Variants in C1GALT1C1 observed in about 807,000 individuals in gnomAD.
C1GALT1C1 encodes C1GALT1 specific chaperone 1, also known as C1GALT1-specific chaperone 1.
For missense variants in C1GALT1C1, 176 were observed against 234.7 expected (o/e 0.75, Z 1.63); for synonymous variants, 77 against 77.9 (o/e 0.99, Z 0.06).
At chrX:120,629,064 T>C (rs1054060096) in intron 1 of C1GALT1C1, among the ~76,000 whole-genome samples, 1 of 110,354 alleles carries the variant, frequency 9.1e-6, no homozygotes, top group Non-Finnish European at 1.9e-5. Flanking sequence ...CTGTCTCGAC[T>C]AAAAATACAA....
Position 120,626,046 on chromosome X carries a change from C to A in C1GALT1C1, c.*164G>T. The A allele has an allele frequency of 2.5e-6, 1 of 395,868 alleles. No homozygotes were observed. Among genetic ancestry groups the A allele is most frequent in the Non-Finnish European group, 4.3e-6 (1 of 234,674 alleles). The allele number at this position is 395,868 out of a possible 1,213,427, so 32.6% of individuals were successfully genotyped here. A position where few individuals can be genotyped will look rare whatever the true frequency, so the allele number is the denominator to read the frequency against. ...ATGTGTTTTAAAGAAAAAAACCACCCTCATTTAAAAATGTACTACTGACTT... is the reference window on the plus strand; with the variant it reads ...ATGTGTTTTAAAGAAAAAAACCACCATCATTTAAAAATGTACTACTGACTT... On this transcript the variant is annotated 3_prime_UTR_variant, in exon 2 of 2. Coordinates refer to ENST00000304661, the MANE Select transcript of C1GALT1C1 (RefSeq NM_001011551.3).
chrX:120,627,847 A>G (rs746295799), intron 1 of C1GALT1C1, among the ~76,000 whole-genome samples: 4 of 112,559 alleles, frequency 3.6e-5, no homozygotes, highest in African/African-American at 1.3e-4. Flanking sequence ...ATTGATAGAT[A>G]TATCTGGGGC....
intron 1 of C1GALT1C1, among the ~76,000 whole-genome samples, chrX:120,629,705 A>C (rs1927293763): frequency 8.9e-6 from 1 of 111,869 alleles, no homozygotes; most frequent in South Asian, 3.7e-4. Flanking sequence ...AGTGAGAGGG[A>C]GGACATGGTA....
chrX:120,626,139 G>A lies in C1GALT1C1; in HGVS notation c.*71C>T. On this transcript the variant is annotated 3_prime_UTR_variant, in exon 2 of 2. Coordinates refer to ENST00000304661, the MANE Select transcript of C1GALT1C1 (RefSeq NM_001011551.3). ...AGAAACATACAGCTGTATTGGATAT[G>A]TAGTTACTACTACAAATAATGACAA... 1.1e-6 allele frequency: 1 copy of A among 946,384 alleles called. No homozygotes were observed. The highest frequency in any genetic ancestry group is 1.5e-6 in the Non-Finnish European group (1 of 679,269). The allele number at this position is 946,384 out of a possible 1,213,427, so 78.0% of individuals were successfully genotyped here. A position where few individuals can be genotyped will look rare whatever the true frequency, so the allele number is the denominator to read the frequency against.
intron 1 of C1GALT1C1, among the ~76,000 whole-genome samples, chrX:120,629,589 CG>C (rs1927288059): frequency 8.9e-6 from 1 of 111,989 alleles, no homozygotes. Flanking sequence ...AAACTGCACA[CG>C]AGCACAAATG....
At chrX:120,629,707 G>A in intron 1 of C1GALT1C1, among the ~76,000 whole-genome samples, 1 of 111,806 alleles carries the variant, frequency 8.9e-6, no homozygotes, top group South Asian at 3.7e-4. Flanking sequence ...TGAGAGGGAG[G>A]ACATGGTAAC....
At position 120,626,671 on chromosome X, in the gene C1GALT1C1, G is replaced by T. The variant is rs1225595183; in HGVS notation, c.496C>A (p.Pro166Thr). Residue 166 changes from proline to threonine, a missense_variant, in exon 2 of 2, where the codon CCT becomes ACT. Coordinates refer to ENST00000304661, the MANE Select transcript of C1GALT1C1 (RefSeq NM_001011551.3). Reference protein sequence around the residue: ...YFLLKKDPSQPFYLGHTIKSG... With the variant: ...YFLLKKDPSQTFYLGHTIKSG... ...TTTATAGTGTGGCCTAGATAGAAAG[G>T]CTGTGATGGATCCTTTTTTAACAAA... 8.3e-7 allele frequency: 1 copy of T among 1,210,523 alleles called. No homozygotes were observed. Among genetic ancestry groups the T allele is most frequent in the East Asian group, 3.0e-5 (1 of 33,849 alleles).
At chrX:120,628,140 T>C (rs1340195255) in intron 1 of C1GALT1C1, among the ~76,000 whole-genome samples, 3 of 111,398 alleles carry the variant, frequency 2.7e-5, no homozygotes, top group Non-Finnish European at 5.7e-5. Flanking sequence ...CTCGGGAGGC[T>C]GAGGCACAAG....
chrX:120,629,900 G>C lies in C1GALT1C1; in HGVS notation c.-6+17C>G, dbSNP rs1199607647. ...TCAGGGTGCGCTTGGGGTGGGGGTC[G>C]AGGCCCCGCCACTCACCCGCGTCTA... On this transcript the variant is annotated intron_variant, in intron 1 of 1. Coordinates refer to ENST00000304661, the MANE Select transcript of C1GALT1C1 (RefSeq NM_001011551.3). 1 of 112,146 alleles carries C rather than the reference G, an allele frequency of 8.9e-6. No individual in the cohort carries two copies. Among genetic ancestry groups the C allele is most frequent in the Admixed American group, 9.3e-5 (1 of 10,713 alleles). 9.2% of individuals were successfully genotyped at this position (112,146 alleles called of 1,213,427 possible).
In C1GALT1C1 at chrX:120,625,936, A is replaced by T. The variant is rs1411392648; in HGVS notation, c.*274T>A. On this transcript the variant is annotated 3_prime_UTR_variant, in exon 2 of 2. Transcript: ENST00000304661. Reference sequence around the variant, plus strand: ...AGATTTCTAATGTTCATAATTTAGAATTTATCACATATAATATTTATTAAT... The same window carrying T: ...AGATTTCTAATGTTCATAATTTAGATTTTATCACATATAATATTTATTAAT... 3 of 233,346 alleles carry T rather than the reference A, an allele frequency of 1.3e-5. No individual in the cohort carries two copies. The East Asian group carries it at 2.1e-4, about 16-fold the overall frequency. 19.2% of individuals were successfully genotyped at this position (233,346 alleles called of 1,213,427 possible).
At chrX:120,628,122 C>A (rs889968044) in intron 1 of C1GALT1C1, among the ~76,000 whole-genome samples, 1 of 110,996 alleles carries the variant, frequency 9.0e-6, no homozygotes, top group Non-Finnish European at 1.9e-5. Flanking sequence ...TGCCTGTAAT[C>A]CCAGCTACTC....
chrX:120,628,391 T>G (rs1927246092), intron 1 of C1GALT1C1, among the ~76,000 whole-genome samples: 1 of 112,443 alleles, frequency 8.9e-6, no homozygotes, highest in African/African-American at 3.2e-5. Context: ...CTACTTAGAC[T>G]TCCCAGTTTT....
intron 1 of C1GALT1C1, among the ~76,000 whole-genome samples, chrX:120,629,476 T>A (rs5957424): frequency 0.29 from 31,954 of 110,173 alleles, 3,328 homozygotes; most frequent in East Asian, 0.43. Context: ...TTAAATAAAA[T>A]AATTTGCAAA....
At position 120,626,743 on chromosome X, in the gene C1GALT1C1, G is replaced by A. The variant is rs1388046200; in HGVS notation, c.424C>T (p.Leu142Phe). ...ATAGCAAACGTAGTGGGGCGTGCAA[G>A]GAAGAACCAGTTGTATTGGTCTCTA... ...KYRDQYNWFF[L>F]ARPTTFAIIE... Residue 142 changes from leucine (L) to phenylalanine (F), a missense_variant, in exon 2 of 2, where the codon CTT becomes TTT. Coordinates refer to ENST00000304661, the MANE Select transcript of C1GALT1C1 (RefSeq NM_001011551.3). The A allele has an allele frequency of 3.3e-6, 4 of 1,209,791 alleles. No homozygotes were observed. The highest frequency in any genetic ancestry group is 4.4e-5 in the Admixed American group (2 of 45,603).
Position 120,626,999 on chromosome X carries a change from T to C in C1GALT1C1, c.168A>G (p.Ser56=). 8.3e-7 allele frequency: 1 copy of C among 1,211,154 alleles called. No homozygotes were observed. The highest frequency in any genetic ancestry group is 1.1e-6 in the Non-Finnish European group (1 of 895,410). Residue 56 remains serine, a synonymous_variant, in exon 2 of 2, where the codon TCA becomes TCG. Transcript: ENST00000304661. ...APNKEDILKI[S]EDERMELSKS... is the part of the protein sequence containing the mutation. ...TACTGAGCTCCATGCGCTCATCCTC[T>C]GAAATTTTCAAGATATCTTCTTTGT...
chrX:120,626,889 T>C lies in C1GALT1C1; in HGVS notation c.278A>G (p.His93Arg). 1 of 1,211,836 alleles carries C rather than the reference T, an allele frequency of 8.3e-7. No homozygotes were observed. Among genetic ancestry groups the C allele is most frequent in the Non-Finnish European group, 1.1e-6 (1 of 895,534 alleles). Residue 93 changes from histidine (H) to arginine (R), a missense_variant, in exon 2 of 2, where the codon CAC becomes CGC. Transcript: ENST00000304661. ...WAAVKETWTK[H>R]CDKAEFFSSE... is the part of the protein sequence containing the mutation. ...ACTGAAGAACTCTGCTTTGTCACAG[T>C]GTTTGGTCCAAGTCTCCTTTACTGC...
intron 1 of C1GALT1C1, among the ~76,000 whole-genome samples, chrX:120,628,272 C>A (rs1927243605): frequency 8.9e-6 from 1 of 112,134 alleles, no homozygotes; most frequent in African/African-American, 3.2e-5. Context: ...AAATTAAAAG[C>A]TGACATTAAA....
At chrX:120,627,262 C>G in intron 1 of C1GALT1C1, 91 bp from the exon 2 acceptor site, 1 of 697,803 alleles carries the variant, frequency 1.4e-6, no homozygotes, top group Non-Finnish European at 2.0e-6. Context: ...TTACATTTTG[C>G]TTTTAATGTT....
At chrX:120,629,299 A>G (rs1420280120) in intron 1 of C1GALT1C1, among the ~76,000 whole-genome samples, 1 of 111,260 alleles carries the variant, frequency 9.0e-6, no homozygotes, top group Non-Finnish European at 1.9e-5. Flanking sequence ...AGATTAATTT[A>G]TATAGGATTT....
Sources: gnomAD v4.1 joint callset for allele counts (sites outside exome capture counted in the v4.1 genomes callset) on GRCh38, gnomAD v4.1.1 for gene constraint, MANE v1.5 for transcripts, NCBI Gene and HGNC (gene_info 2026-07-23, HGNC 2026-07-21) for gene names.